Variants in MCM9 observed in about 807,000 individuals in gnomAD.
MCM9 encodes the protein minichromosome maintenance 9 homologous recombination repair factor.
In MCM9, 55 loss-of-function variants were observed where a neutral mutation model predicts 72.8. The ratio of observed to expected loss-of-function variants is 0.76; its 90% CI spans 0.61 to 0.95. The LOEUF is 0.95. Among genes scored for constraint, MCM9 ranks in the 40% least tolerant of loss-of-function variants. The probability of loss-of-function intolerance (pLI) is 0.00; values close to 1 mark genes in which losing one functional copy is unlikely to be tolerated. For missense variants in MCM9, 1,279 were observed against 1,377.0 expected, an observed-to-expected ratio of 0.93 and a Z score of 1.13; for synonymous variants, 480 against 503.4, an observed-to-expected ratio of 0.95 and a Z score of 0.62.
chr6:118,870,318 T>C (rs1777515729), intron 8 of MCM9, among the ~76,000 whole-genome samples: 1 of 152,150 alleles, frequency 6.6e-6, no homozygotes, highest in African/African-American at 2.4e-5. Context: ...ACCACAATGA[T>C]ATGAAACTTG....
chr6:118,875,876 C>A (rs989456605), intron 8 of MCM9, among the ~76,000 whole-genome samples: 1 of 152,084 alleles, frequency 6.6e-6, no homozygotes, highest in African/African-American at 2.4e-5. Flanking sequence ...CAGCTGTGCT[C>A]CATGGTGTTT....
chr6:118,923,742 C>T, intron 4 of MCM9, 69 bp downstream of exon 4: 1 of 1,351,008 alleles, frequency 7.4e-7, no homozygotes, highest in Non-Finnish European at 1.0e-6. Flanking sequence ...GTTCCCTAAT[C>T]CTCCCAATGT....
At chr6:118,816,495 A>C (rs17080674) in intron 13 of MCM9, among the ~76,000 whole-genome samples, 2,116 of 152,282 alleles carry the variant, frequency 0.014, 41 homozygotes, top group African/African-American at 0.048. Flanking sequence ...TACTCAGATA[A>C]ACACTAATTT....
chr6:118,815,429 G>C lies in MCM9; in HGVS notation c.2827C>G (p.Pro943Ala), dbSNP rs925474916. ...TGAACTGCTATTTTAGTTGCACCAGGTGACACATGGCTGTGATCTTCAAAG... is the reference window on the plus strand; with the variant it reads ...TGAACTGCTATTTTAGTTGCACCAGCTGACACATGGCTGTGATCTTCAAAG... Reference protein sequence around the residue: ...HSFEDHSHVSPGATKIAVHSP... With the variant: ...HSFEDHSHVSAGATKIAVHSP... Residue 943 changes from proline to alanine, a missense_variant, in exon 14 of 14, where the codon CCT becomes GCT. Physicochemically the swap from Pro to Ala is conservative, Grantham distance 27. Coordinates refer to ENST00000619706, the MANE Select transcript of MCM9 (RefSeq NM_017696.3). 4 of 1,550,386 alleles carry C rather than the reference G, an allele frequency of 2.6e-6. No individual in the cohort carries two copies. The African/African-American group carries it at 4.1e-5, about 16-fold the overall frequency.
intron 9 of MCM9, among the ~76,000 whole-genome samples, chr6:118,846,473 A>C (rs1014512056): frequency 2.6e-5 from 4 of 151,736 alleles, no homozygotes; most frequent in African/African-American, 9.7e-5. Context: ...TAGAGTGGGG[A>C]AATATTGAGA....
At chr6:118,873,222 AGGGAAG>A (rs1490201201) in intron 8 of MCM9, among the ~76,000 whole-genome samples, 1 of 80,756 alleles carries the variant, frequency 1.2e-5, no homozygotes, top group East Asian at 4.4e-4. Flanking sequence ...GGAAAGGGAA[AGGGAAG>A]GGGAAAGGGA....
chr6:118,920,161 G>A (rs1025469326), intron 5 of MCM9: 1 of 152,190 alleles, frequency 6.6e-6, no homozygotes, highest in Non-Finnish European at 1.5e-5. Flanking sequence ...TATAAGAACT[G>A]CATTGCTGAG....
At chr6:118,874,003 C>G (rs989479271) in intron 8 of MCM9, among the ~76,000 whole-genome samples, 1 of 152,034 alleles carries the variant, frequency 6.6e-6, no homozygotes, top group Non-Finnish European at 1.5e-5. Context: ...GCCTATAATC[C>G]CAGCATTTTG....
At chr6:118,925,827 G>T (rs1781846060) in intron 3 of MCM9, among the ~76,000 whole-genome samples, 1 of 151,900 alleles carries the variant, frequency 6.6e-6, no homozygotes, top group Non-Finnish European at 1.5e-5. Context: ...GGCCTTAACT[G>T]GAATATATAT....
intron 1 of MCM9, among the ~76,000 whole-genome samples, chr6:118,934,066 T>C (rs924803261): frequency 3.3e-5 from 5 of 151,886 alleles, no homozygotes; most frequent in South Asian, 2.1e-4. Context: ...ATTTAGCAAT[T>C]TGAAAAACAG....
intron 8 of MCM9, 58 bp from the exon 9 acceptor site, chr6:118,856,603 G>A: frequency 6.6e-7 from 1 of 1,510,290 alleles, no homozygotes; most frequent in Non-Finnish European, 8.9e-7. Context: ...TCTTGACTGG[G>A]CGCAGTGGCT....
intron 8 of MCM9, among the ~76,000 whole-genome samples, chr6:118,861,377 A>G (rs1252038897): frequency 6.6e-6 from 1 of 152,160 alleles, no homozygotes; most frequent in Non-Finnish European, 1.5e-5. Flanking sequence ...GTCACCCACA[A>G]TGTGGTGAGT....
At chr6:118,885,203 G>C (rs1778525271) in intron 8 of MCM9, among the ~76,000 whole-genome samples, 1 of 151,888 alleles carries the variant, frequency 6.6e-6, no homozygotes, top group Admixed American at 6.6e-5. Flanking sequence ...GGGAGACAGA[G>C]TGAGACTCCA....
intron 9 of MCM9, among the ~76,000 whole-genome samples, chr6:118,835,920 T>C (rs1774925140): frequency 6.6e-6 from 1 of 152,200 alleles, no homozygotes; most frequent in South Asian, 2.1e-4. Context: ...ATCCTTGTCT[T>C]GTGCCAGTTT....
chr6:118,876,018 C>T (rs1777910794), intron 8 of MCM9, among the ~76,000 whole-genome samples: 1 of 152,132 alleles, frequency 6.6e-6, no homozygotes, highest in South Asian at 2.1e-4. Context: ...AACTGTAATA[C>T]ATCAGACAAT....
intron 4 of MCM9, 125 bp downstream of exon 4, chr6:118,923,686 G>C: frequency 2.4e-6 from 2 of 820,064 alleles, no homozygotes; most frequent in East Asian, 2.7e-5. Flanking sequence ...TTTCGAGCTT[G>C]ATCTTCCACA....
intron 8 of MCM9, among the ~76,000 whole-genome samples, chr6:118,899,522 G>A (rs866326585): frequency 6.6e-6 from 1 of 152,162 alleles, no homozygotes; most frequent in Non-Finnish European, 1.5e-5. Flanking sequence ...ATGATCTCAG[G>A]AGATGTCAGA....
In MCM9 at chr6:118,917,618, C is replaced by T. The variant is rs753861802; in HGVS notation, c.847G>A (p.Glu283Lys). ...AAATCTTCGAATTCCTTTTGGACCTCCTCATCCATGATGATCCCTGAGGAC... is the reference window on the plus strand; with the variant it reads ...AAATCTTCGAATTCCTTTTGGACCTTCTCATCCATGATGATCCCTGAGGAC... The part of the protein sequence containing the change: ...EQSSGIIMDE[E>K]VQKEFEDFWE... Residue 283 changes from glutamate (E) to lysine (K), a missense_variant, in exon 6 of 14, where the codon GAG (glutamate) becomes AAG (lysine). Glu to Lys is a moderately conservative substitution (Grantham distance 56). Coordinates refer to ENST00000619706, the MANE Select transcript of MCM9 (RefSeq NM_017696.3). The T allele has an allele frequency of 5.6e-6, 9 of 1,614,180 alleles. No individual in the cohort carries two copies.
intron 8 of MCM9, chr6:118,907,852 G>T: frequency 2.6e-6 from 1 of 392,014 alleles, no homozygotes; most frequent in Middle Eastern, 7.3e-4. Context: ...TCTGATTAAA[G>T]CATATATATT....
Sources: allele counts gnomAD v4.1 joint callset (sites outside exome capture counted in the v4.1 genomes callset), GRCh38; gene constraint gnomAD v4.1.1; transcripts MANE v1.5; gene names NCBI Gene and HGNC (gene_info 2026-07-23, HGNC 2026-07-21).